The following NOX1 variants were observed in gnomAD, a reference collection of about 807,000 sequenced individuals.
The protein encoded by NOX1 is NADPH oxidase 1.
NOX1 carries 34 observed loss-of-function variants against 42.5 expected under a neutral mutation model. The ratio of observed to expected loss-of-function variants is 0.80; its 90% CI spans 0.61 to 1.07. NOX1 has a LOEUF of 1.07. NOX1 is among the 50% of genes least tolerant of loss of function. NOX1 has a pLI of 0.00. For missense variants in NOX1, 408 were observed against 427.0 expected, an observed-to-expected ratio of 0.96 and a Z score of 0.39; for synonymous variants, 143 against 152.5, an observed-to-expected ratio of 0.94 and a Z score of 0.46.
At position 100,874,202 on chromosome X, in the gene NOX1, A is replaced by G; in HGVS notation, c.-63T>C. 1 of 821,189 alleles carries G rather than the reference A, an allele frequency of 1.2e-6. No homozygotes were observed. Among genetic ancestry groups the G allele is most frequent in the East Asian group, 3.1e-5 (1 of 31,798 alleles). The allele number at this position is 821,189 out of a possible 1,213,427, so 67.7% of individuals were successfully genotyped here. A position where few individuals can be genotyped will look rare whatever the true frequency, so the allele number is the denominator to read the frequency against. On this transcript the variant is annotated 5_prime_UTR_variant, in exon 1 of 13. Transcript: ENST00000372966. ...GAAGATTCAGCAATCCGGATTCTGG[A>G]GAGGTCCTTCAGGAATGGAACATTT...
intron 1 of NOX1, among the ~76,000 whole-genome samples, chrX:100,872,145 C>A (rs1410180477): frequency 1.8e-5 from 2 of 112,149 alleles, no homozygotes; most frequent in East Asian, 5.6e-4. Context: ...CAATCAATTT[C>A]TTCCTGCCTC....
chrX:100,862,602 C>T (rs375806089), intron 5 of NOX1, 29 bp from the exon 6 acceptor site: 15 of 1,196,247 alleles, frequency 1.3e-5, no homozygotes, highest in African/African-American at 1.7e-5. Flanking sequence ...CAGCCTGACA[C>T]AATGTCCACC....
chrX:100,862,308 A>C lies in NOX1; in HGVS notation c.672-5T>G. On this transcript the variant is annotated splice_region_variant and splice_polypyrimidine_tract_variant and intron_variant, in intron 6 of 12. Coordinates refer to ENST00000372966, the MANE Select transcript of NOX1 (RefSeq NM_007052.5). Reference sequence around the variant, plus strand: ...GTTTGACCCCGGACAATTCCACTGAAATAGACAAAGAAGGATGGTTTGGGA... The same window carrying C: ...GTTTGACCCCGGACAATTCCACTGACATAGACAAAGAAGGATGGTTTGGGA... 1.7e-6 allele frequency: 2 copies of C among 1,211,429 alleles called. No individual in the cohort carries two copies. The highest frequency in any genetic ancestry group is 2.2e-6 in the Non-Finnish European group (2 of 895,390).
rs1454905226 is a variant in NOX1, at chrX:100,843,516, A to T, written c.*436T>A. 9.7e-7 allele frequency: 1 copy of T among 1,033,444 alleles called. No homozygotes were observed. The highest frequency in any genetic ancestry group is 4.6e-5 in the Admixed American group (1 of 21,635). 85.2% of individuals were successfully genotyped at this position (1,033,444 alleles called of 1,213,427 possible). ...TGTTTTATCATTAATTATTCAATAA[A>T]TTTTTATTTAAAAAGTCACCCTACT... On this transcript the variant is annotated 3_prime_UTR_variant, in exon 13 of 13. Transcript: ENST00000372966.
intron 12 of NOX1, among the ~76,000 whole-genome samples, chrX:100,844,446 T>C (rs377571600): frequency 9.0e-6 from 1 of 111,637 alleles, no homozygotes; most frequent in East Asian, 2.8e-4. Context: ...TTTCTTTTCT[T>C]TTTTTGAGAT....
chrX:100,865,948 C>T (rs1253541946), intron 2 of NOX1, among the ~76,000 whole-genome samples: 1 of 112,332 alleles, frequency 8.9e-6, no homozygotes, highest in Non-Finnish European at 1.9e-5. Context: ...AGGCTGGGAG[C>T]AGTGGCTTAC....
intron 12 of NOX1, 114 bp from the exon 13 acceptor site, chrX:100,844,192 A>G: frequency 7.3e-6 from 5 of 682,781 alleles, no homozygotes; most frequent in Non-Finnish European, 1.1e-5. Flanking sequence ...TCGGTTGTTT[A>G]CTCCCACGTT....
In NOX1 at chrX:100,856,020, G is replaced by A. The variant is rs149936459; in HGVS notation, c.805-4695C>T. ...CCAAACTGTTCAAAGTAATCTCTTA[G>A]GTGATGTTCTTCCGTGTCTTCTTTA... On this transcript the variant is annotated intron_variant, in intron 7 of 12. Transcript: ENST00000372966. 3.5e-3 allele frequency: 3,796 copies of A among 1,084,380 alleles called. 68 individuals are homozygous for A. In the African/African-American group the frequency reaches 0.06, roughly 17 times the overall value. 89.4% of individuals were successfully genotyped at this position (1,084,380 alleles called of 1,213,427 possible).
intron 2 of NOX1, among the ~76,000 whole-genome samples, chrX:100,866,323 T>C: frequency 9.0e-6 from 1 of 111,395 alleles, no homozygotes; most frequent in Non-Finnish European, 1.9e-5. Flanking sequence ...AACAAAAAGC[T>C]GTGTGTCTTA....
chrX:100,852,458 G>A (rs961979069), intron 7 of NOX1, among the ~76,000 whole-genome samples: 7 of 112,124 alleles, frequency 6.2e-5, no homozygotes, highest in Non-Finnish European at 1.3e-4. Flanking sequence ...GTGAGACTCC[G>A]TCTCAAAATA....
At chrX:100,868,107 C>A (rs989734649) in intron 2 of NOX1, among the ~76,000 whole-genome samples, 3 of 111,716 alleles carry the variant, frequency 2.7e-5, no homozygotes, top group African/African-American at 9.7e-5. Context: ...ATTTTTAAAG[C>A]AAATTAATAC....
chrX:100,860,340 C>T lies in NOX1; in HGVS notation c.804+1831G>A, dbSNP rs182629210. On this transcript the variant is annotated intron_variant, in intron 7 of 12. Coordinates refer to ENST00000372966, the MANE Select transcript of NOX1 (RefSeq NM_007052.5). ...TATATTTGTGGAATAAATTGGAAGT[C>T]GAGTTTTAAACCTTAATTGCTACTG... Among the ~76,000 whole-genome samples the T allele has an allele frequency of 2.1e-4, 23 of 111,899 alleles. No individual in the cohort carries two copies. The East Asian group carries it at 6.5e-3, about 31-fold the overall frequency.
intron 2 of NOX1, among the ~76,000 whole-genome samples, chrX:100,866,293 G>T (rs2085237028): frequency 9.1e-6 from 1 of 110,272 alleles, no homozygotes; most frequent in Non-Finnish European, 1.9e-5. Context: ...TATCTACAAA[G>T]TGATCCCTTT....
intron 7 of NOX1, among the ~76,000 whole-genome samples, chrX:100,853,221 CTCTT>C (rs71917684): frequency 0.041 from 4,369 of 105,693 alleles, 359 homozygotes; most frequent in African/African-American, 0.15. Context: ...CCTTCTCTTT[CTCTT>C]TCTTTCTTTT....
chrX:100,855,022 CA>C (rs34496932), intron 7 of NOX1, among the ~76,000 whole-genome samples: 4 of 110,414 alleles, frequency 3.6e-5, no homozygotes, highest in Non-Finnish European at 7.6e-5. Context: ...TGCATGGGTG[CA>C]AAAAAAATCT....
rs775758286 is a variant in NOX1, at chrX:100,870,814, C to A, written c.46G>T (p.Val16Phe). ...AAAACATTCAGCCCTAACCAAACAACCTAGAGAAAGAAAAAAAAACATGCA... is the reference window on the plus strand; with the variant it reads ...AAAACATTCAGCCCTAACCAAACAAACTAGAGAAAGAAAAAAAAACATGCA... Reference protein sequence around the residue: ...VNHWFSVLFLVVWLGLNVFLF... With the variant: ...VNHWFSVLFLFVWLGLNVFLF... The change falls in exon 2 of 13, where the codon GTT becomes TTT. Residue 16 changes from valine (V) to phenylalanine (F), a missense_variant and splice_region_variant. Physicochemically the swap from Val to Phe is conservative, Grantham distance 50 (BLOSUM62 -1). Transcript: ENST00000372966. The A allele has an allele frequency of 1.2e-5, 13 of 1,127,597 alleles. No homozygotes were observed. Among genetic ancestry groups the A allele is most frequent in the Admixed American group, 5.0e-5 (2 of 39,616 alleles). The allele number at this position is 1,127,597 out of a possible 1,213,427, so 92.9% of individuals were successfully genotyped here. A position where few individuals can be genotyped will look rare whatever the true frequency, so the allele number is the denominator to read the frequency against.
At chrX:100,871,688 G>A (rs2085275537) in intron 1 of NOX1, among the ~76,000 whole-genome samples, 1 of 111,783 alleles carries the variant, frequency 8.9e-6, no homozygotes, top group Non-Finnish European at 1.9e-5. Context: ...CTGGTCTCTA[G>A]CCCAAGTGTG....
chrX:100,866,991 C>T (rs1044963944), intron 2 of NOX1, among the ~76,000 whole-genome samples: 3 of 111,417 alleles, frequency 2.7e-5, no homozygotes, highest in Admixed American at 1.9e-4. Context: ...CTAGCCTGAG[C>T]AACACGGAGA....
At chrX:100,867,399 C>A (rs1245669217) in intron 2 of NOX1, among the ~76,000 whole-genome samples, 1 of 112,423 alleles carries the variant, frequency 8.9e-6, no homozygotes, top group Non-Finnish European at 1.9e-5. Context: ...TCAAATTGTT[C>A]CCTGTATTTT....
Sources: gnomAD v4.1 joint callset for allele counts (sites outside exome capture counted in the v4.1 genomes callset) on GRCh38, gnomAD v4.1.1 for gene constraint, MANE v1.5 for transcripts, NCBI Gene and HGNC (gene_info 2026-07-23, HGNC 2026-07-21) for gene names.